HS3ST4: variants seen among roughly 807,000 people sequenced by gnomAD.
HS3ST4 encodes heparan sulfate-glucosamine 3-sulfotransferase 4.
HS3ST4 carries 17 observed loss-of-function variants against 29.2 expected under a neutral mutation model. That is an observed-to-expected ratio of 0.58 (90% confidence interval 0.40 to 0.87). The LOEUF is 0.87. HS3ST4 is among the 40% of genes least tolerant of loss of function. The pLI is 0.00. For missense variants in HS3ST4, 627 were observed against 634.5 expected (o/e 0.99, Z 0.13); for synonymous variants, 314 against 285.7 (o/e 1.10, Z -1.00).
At chr16:25,732,173 T>C (rs972154499) in intron 1 of HS3ST4, among the ~76,000 whole-genome samples, 1 of 152,172 alleles carries the variant, frequency 6.6e-6, no homozygotes, top group Non-Finnish European at 1.5e-5. Flanking sequence ...ACCAATATTG[T>C]CTAGAACACA....
At position 25,914,206 on chromosome 16, in the gene HS3ST4, G is replaced by A. The variant is rs557978987; in HGVS notation, c.734+221055G>A. Among the ~76,000 whole-genome samples, 182 of 150,048 alleles carry A rather than the reference G, an allele frequency of 1.2e-3. 2 individuals carry two copies. The highest frequency in any genetic ancestry group is 4.1e-3 in the African/African-American group (169 of 40,744). ...TGGTGTGTGTGTGGAGTGTGTGTGT[G>A]TAGGGTGTGGTGTGTGTAAGGGGTA... On this transcript the variant is annotated intron_variant, in intron 1 of 1. Transcript: ENST00000331351.
intron 1 of HS3ST4, among the ~76,000 whole-genome samples, chr16:25,800,216 A>G (rs1966919962): frequency 1.3e-5 from 2 of 152,042 alleles, no homozygotes. Flanking sequence ...TAGTTGTCAA[A>G]TTTTAATGTA....
intron 1 of HS3ST4, among the ~76,000 whole-genome samples, chr16:25,854,431 A>G (rs1967553324): frequency 6.6e-6 from 1 of 152,178 alleles, no homozygotes; most frequent in African/African-American, 2.4e-5. Flanking sequence ...GGTCACTTTC[A>G]TCACCATCTT....
intron 1 of HS3ST4, among the ~76,000 whole-genome samples, chr16:25,739,499 A>G (rs965047303): frequency 3.9e-5 from 6 of 152,074 alleles, no homozygotes; most frequent in Non-Finnish European, 8.8e-5. Context: ...TGTGCATGAC[A>G]TGCTTAAAAA....
intron 1 of HS3ST4, among the ~76,000 whole-genome samples, chr16:26,036,256 C>T (rs540799314): frequency 1.3e-5 from 2 of 152,344 alleles, no homozygotes; most frequent in East Asian, 3.9e-4. Flanking sequence ...CACACTGCAG[C>T]TGAAGCATGT....
intron 1 of HS3ST4, among the ~76,000 whole-genome samples, chr16:25,873,351 C>T (rs1297975409): frequency 6.8e-6 from 1 of 146,534 alleles, no homozygotes; most frequent in Non-Finnish European, 1.5e-5. Context: ...TCCATCTATC[C>T]ATCCATCCAC....
intron 1 of HS3ST4, among the ~76,000 whole-genome samples, chr16:25,958,198 A>T (rs1367513618): frequency 6.6e-6 from 1 of 152,248 alleles, no homozygotes; most frequent in Non-Finnish European, 1.5e-5. Flanking sequence ...AACTGTTGTT[A>T]TAAGGCAGAT....
intron 1 of HS3ST4, among the ~76,000 whole-genome samples, chr16:25,943,394 G>C (rs1277438198): frequency 6.6e-6 from 1 of 152,090 alleles, no homozygotes; most frequent in Non-Finnish European, 1.5e-5. Context: ...GTCTCACAGT[G>C]CTTAACCACT....
chr16:25,708,015 C>T (rs555933902), intron 1 of HS3ST4, among the ~76,000 whole-genome samples: 1 of 152,284 alleles, frequency 6.6e-6, no homozygotes, highest in South Asian at 2.1e-4. Flanking sequence ...CACACCCACC[C>T]AGGTTTCTGG....
chr16:25,989,016 G>T (rs1043915426), intron 1 of HS3ST4, among the ~76,000 whole-genome samples: 1 of 152,168 alleles, frequency 6.6e-6, no homozygotes, highest in African/African-American at 2.4e-5. Context: ...CAGAATGAAA[G>T]CTCCACTGGT....
chr16:25,761,330 C>G (rs1215377187), intron 1 of HS3ST4, among the ~76,000 whole-genome samples: 1 of 152,216 alleles, frequency 6.6e-6, no homozygotes, highest in African/African-American at 2.4e-5. Flanking sequence ...AGGGTGGCCA[C>G]TGGTCCCAGG....
At chr16:26,112,816 C>T (rs1350484123) in intron 1 of HS3ST4, among the ~76,000 whole-genome samples, 1 of 152,066 alleles carries the variant, frequency 6.6e-6, no homozygotes, top group African/African-American at 2.4e-5. Flanking sequence ...AGCAATAGCA[C>T]ACATTAGGTA....
At chr16:26,094,009 T>C (rs1231609299) in intron 1 of HS3ST4, among the ~76,000 whole-genome samples, 1 of 152,034 alleles carries the variant, frequency 6.6e-6, no homozygotes, top group African/African-American at 2.4e-5. Flanking sequence ...GAAGAAAGGG[T>C]ATCAGTGACT....
chr16:25,900,121 G>T (rs1197480736), intron 1 of HS3ST4, among the ~76,000 whole-genome samples: 1 of 152,194 alleles, frequency 6.6e-6, no homozygotes, highest in East Asian at 1.9e-4. Context: ...TGGATTTTGT[G>T]TAATTTTAAG....
At chr16:25,697,589 C>T (rs916575693) in intron 1 of HS3ST4, among the ~76,000 whole-genome samples, 2 of 152,164 alleles carry the variant, frequency 1.3e-5, no homozygotes, top group Non-Finnish European at 1.5e-5. Context: ...CTGGGCAGCA[C>T]CTGTGTGGTG....
chr16:26,117,427 G>A (rs1899215371), intron 1 of HS3ST4, among the ~76,000 whole-genome samples: 1 of 152,144 alleles, frequency 6.6e-6, no homozygotes, highest in African/African-American at 2.4e-5. Flanking sequence ...TTGCCTTCTA[G>A]CGTGAACTCT....
At chr16:25,756,154 G>GCACACACA (rs71997199) in intron 1 of HS3ST4, among the ~76,000 whole-genome samples, 1 of 132,624 alleles carries the variant, frequency 7.5e-6, no homozygotes, top group Non-Finnish European at 1.7e-5. Context: ...ACACACACAC[G>GCACACACA]CACACACACA....
At chr16:25,981,117 G>A (rs537175261) in intron 1 of HS3ST4, among the ~76,000 whole-genome samples, 1 of 152,116 alleles carries the variant, frequency 6.6e-6, no homozygotes, top group Non-Finnish European at 1.5e-5. Context: ...TAGCATTTTG[G>A]GAGGCTGAGA....
chr16:26,094,195 A>T (rs1273809066), intron 1 of HS3ST4, among the ~76,000 whole-genome samples: 3 of 152,188 alleles, frequency 2.0e-5, no homozygotes, highest in Non-Finnish European at 4.4e-5. Context: ...ACTCTTCAGG[A>T]TATTATCCAG....
Sources: allele counts gnomAD v4.1 joint callset (sites outside exome capture counted in the v4.1 genomes callset), GRCh38; gene constraint gnomAD v4.1.1; transcripts MANE v1.5; gene names NCBI Gene and HGNC (gene_info 2026-07-23, HGNC 2026-07-21).